The following ASAP1 variants were observed in gnomAD, a reference collection of about 807,000 sequenced individuals.
ASAP1 encodes ArfGAP with SH3 domain, ankyrin repeat and PH domain 1, also known as arf-GAP with SH3 domain, ANK repeat and PH domain-containing protein 1.
Under a neutral mutation model 145.2 loss-of-function variants are expected in ASAP1, and 43 were observed. That is an observed-to-expected ratio of 0.30 (90% CI 0.23 to 0.38). ASAP1 has a LOEUF of 0.38. Ranked by LOEUF, ASAP1 falls within the 10% of genes least tolerant of loss-of-function variation. The pLI, the probability that ASAP1 is intolerant of heterozygous loss-of-function variation, is 1.00. For missense variants in ASAP1, 1,018 were observed against 1,355.3 expected (o/e 0.75, Z 3.91); for synonymous variants, 546 against 515.5 (o/e 1.06, Z -0.80).
At chr8:130,127,500 A>C (rs1460177826) in intron 16 of ASAP1, among the ~76,000 whole-genome samples, 3 of 152,190 alleles carry the variant, frequency 2.0e-5, no homozygotes, top group Non-Finnish European at 4.4e-5. Context: ...TACAGGCGTG[A>C]GCCACCGTGC....
intron 24 of ASAP1, among the ~76,000 whole-genome samples, chr8:130,100,455 G>A (rs1383754389): frequency 1.3e-5 from 2 of 151,790 alleles, no homozygotes; most frequent in South Asian, 2.1e-4. Flanking sequence ...TCAGCCTCCC[G>A]AGTAGCTGGG....
intron 18 of ASAP1, among the ~76,000 whole-genome samples, chr8:130,123,145 T>G (rs934407744): frequency 4.6e-5 from 7 of 152,236 alleles, no homozygotes; most frequent in African/African-American, 1.7e-4. Context: ...GATGGATACT[T>G]GTTTTGTTCC....
intron 12 of ASAP1, among the ~76,000 whole-genome samples, chr8:130,157,743 G>A (rs1023903281): frequency 1.3e-5 from 2 of 151,998 alleles, no homozygotes; most frequent in African/African-American, 4.8e-5. Flanking sequence ...CTTCTCCCAG[G>A]TATCTGCATA....
intron 3 of ASAP1, among the ~76,000 whole-genome samples, chr8:130,246,075 CAATT>C (rs1342906925): frequency 1.3e-5 from 2 of 152,032 alleles, no homozygotes; most frequent in Non-Finnish European, 1.5e-5. Context: ...ACACTCCTCT[CAATT>C]AATCACTGCG....
intron 5 of ASAP1, chr8:130,195,300 G>GCC (rs933494476): frequency 1.3e-5 from 2 of 149,828 alleles, no homozygotes; most frequent in Non-Finnish European, 3.0e-5. Context: ...ATTGGCGGGG[G>GCC]CCAAGGTGTG....
At chr8:130,164,714 A>C (rs2097676472) in intron 11 of ASAP1, among the ~76,000 whole-genome samples, 1 of 152,358 alleles carries the variant, frequency 6.6e-6, no homozygotes, top group South Asian at 2.1e-4. Context: ...TAAGACAATA[A>C]AAACTTAATA....
intron 11 of ASAP1, 52 bp downstream of exon 11, chr8:130,167,484 A>G (rs1280793951): frequency 4.2e-6 from 6 of 1,435,112 alleles, no homozygotes; most frequent in Non-Finnish European, 5.9e-6. Context: ...AGGGTATTAC[A>G]AGCAGCCTTA....
intron 11 of ASAP1, 148 bp from the exon 12 acceptor site, chr8:130,160,112 A>C (rs2097666001): frequency 1.5e-6 from 1 of 645,838 alleles, no homozygotes; most frequent in Admixed American, 2.7e-5. Context: ...TTTATTTTAG[A>C]GGAGGAAACA....
intron 3 of ASAP1, among the ~76,000 whole-genome samples, chr8:130,289,377 T>A (rs1441846049): frequency 6.6e-6 from 1 of 152,234 alleles, no homozygotes; most frequent in Non-Finnish European, 1.5e-5. Flanking sequence ...TCCTATGTTT[T>A]GTATTTTCCA....
intron 27 of ASAP1, among the ~76,000 whole-genome samples, chr8:130,064,246 C>A (rs948545800): frequency 6.6e-6 from 1 of 152,150 alleles, no homozygotes; most frequent in Non-Finnish European, 1.5e-5. Context: ...AGAGATGATG[C>A]TCATTTGATC....
At position 130,236,912 on chromosome 8, in the gene ASAP1, A is replaced by C; in HGVS notation, c.259+10T>G. 3 of 1,533,848 alleles carry C rather than the reference A, an allele frequency of 2.0e-6. No homozygotes were observed. The highest frequency in any genetic ancestry group is 2.7e-6 in the Non-Finnish European group (3 of 1,126,478). ...TAATTCATGTTACCTCATTTTTAGT[A>C]AGTGCTTACCTTGACCAGAATTATA... On this transcript the variant is annotated intron_variant, in intron 4 of 29. Transcript: ENST00000518721.
chr8:130,243,045 T>C (rs999362658), intron 3 of ASAP1, among the ~76,000 whole-genome samples: 11 of 152,200 alleles, frequency 7.2e-5, no homozygotes, highest in Middle Eastern at 3.4e-3. Flanking sequence ...TGCTAGACGC[T>C]TCAACAGGCA....
chr8:130,116,619 G>T, intron 22 of ASAP1, 59 bp downstream of exon 22: 1 of 1,438,232 alleles, frequency 7.0e-7, no homozygotes, highest in Non-Finnish European at 9.7e-7. Flanking sequence ...TAGCTTCTCA[G>T]AATGACACTT....
intron 4 of ASAP1, among the ~76,000 whole-genome samples, chr8:130,235,094 TTAAA>T (rs1818136274): frequency 1.3e-5 from 2 of 152,100 alleles, no homozygotes. Context: ...CTCCTGGAAG[TTAAA>T]TAATATACTT....
chr8:130,072,790 G>GTGTGTGTGTGTGTGT lies in ASAP1; in HGVS notation c.2701+3557_2701+3558insACACACACACACACA, dbSNP rs142924621. Among the ~76,000 whole-genome samples, 2 of 66,052 alleles carry GTGTGTGTGTGTGTGT rather than the reference G, an allele frequency of 3.0e-5. 1 individual carries two copies. The highest frequency in any genetic ancestry group is 1.2e-4 in the African/African-American group (2 of 16,098). The allele number at this position is 66,052 out of a possible 152,430, so 43.3% of individuals were successfully genotyped here. ...GTTCTGAAGGCCTGGACTTGCAATT[G>GTGTGTGTGTGTGTGT]ATATGTGTGTGTGTGTGTGTGTGTG... On this transcript the variant is annotated intron_variant, in intron 27 of 29. Coordinates refer to ENST00000518721, the MANE Select transcript of ASAP1 (RefSeq NM_018482.4).
chr8:130,409,706 T>C (rs1260811436), intron 1 of ASAP1, among the ~76,000 whole-genome samples: 1 of 152,226 alleles, frequency 6.6e-6, no homozygotes, highest in African/African-American at 2.4e-5. Flanking sequence ...CCCGCCTCAT[T>C]TGTTGATTCA....
chr8:130,177,797 A>G (rs1190420338), intron 9 of ASAP1, among the ~76,000 whole-genome samples: 1 of 152,222 alleles, frequency 6.6e-6, no homozygotes, highest in East Asian at 1.9e-4. Flanking sequence ...TAAATAAATA[A>G]TTTTAAATGC....
chr8:130,177,141 T>C (rs1216884842), intron 9 of ASAP1, among the ~76,000 whole-genome samples: 1 of 152,212 alleles, frequency 6.6e-6, no homozygotes, highest in Non-Finnish European at 1.5e-5. Context: ...GCACAGTAGC[T>C]GATCTTTGGT....
At chr8:130,355,918 T>G (rs1826279019) in intron 3 of ASAP1, among the ~76,000 whole-genome samples, 2 of 152,206 alleles carry the variant, frequency 1.3e-5, no homozygotes, top group South Asian at 4.1e-4. Context: ...GTAAAATTAT[T>G]GTGCCATCCT....
Sources: allele counts gnomAD v4.1 joint callset (sites outside exome capture counted in the v4.1 genomes callset), GRCh38; gene constraint gnomAD v4.1.1; transcripts MANE v1.5; gene names NCBI Gene and HGNC (gene_info 2026-07-23, HGNC 2026-07-21).